The following GRIK2 variants were observed in gnomAD, a reference collection of about 807,000 sequenced individuals.
GRIK2 encodes glutamate receptor ionotropic, kainate 2.
In GRIK2, 32 loss-of-function variants were observed where a neutral mutation model predicts 100.3. The ratio of observed to expected loss-of-function variants is 0.32; its 90% CI spans 0.24 to 0.43. The LOEUF (loss-of-function observed/expected upper bound fraction) is 0.43. Ranked by LOEUF, GRIK2 falls within the 20% of genes least tolerant of loss-of-function variation. The probability of loss-of-function intolerance (pLI) is 1.00; values close to 1 mark genes in which losing one functional copy is unlikely to be tolerated. For missense variants in GRIK2, 843 were observed against 1,114.9 expected, an observed-to-expected ratio of 0.76 and a Z score of 3.47; for synonymous variants, 417 against 389.4, an observed-to-expected ratio of 1.07 and a Z score of -0.83.
chr6:101,887,050 G>T (rs548592593), intron 11 of GRIK2, among the ~76,000 whole-genome samples: 1 of 151,298 alleles, frequency 6.6e-6, no homozygotes, highest in East Asian at 1.9e-4. Context: ...GGATGGTCTC[G>T]ATCTCCTGAC....
Position 101,859,439 on chromosome 6 carries a change from C to T in GRIK2, c.1470C>T (p.Ala490=), listed in dbSNP as rs1162944600. 2.5e-6 allele frequency: 4 copies of T among 1,610,160 alleles called. No individual in the cohort carries two copies. The highest frequency in any genetic ancestry group is 3.4e-6 in the Non-Finnish European group (4 of 1,176,960). ...TTGTGGAAGATGGGAAATATGGAGC[C>T]CAGGATGATGCCAATGGACAATGGA... ...IRLVEDGKYG[A]QDDANGQWNG... Residue 490 remains alanine, a synonymous_variant, in exon 11 of 17, where the codon GCC becomes GCT. Transcript: ENST00000369134.
intron 7 of GRIK2, among the ~76,000 whole-genome samples, chr6:101,719,799 G>A (rs886105695): frequency 5.3e-5 from 8 of 151,962 alleles, no homozygotes; most frequent in Non-Finnish European, 1.0e-4. Flanking sequence ...GAAAACAGAT[G>A]ATTTCCCATT....
intron 4 of GRIK2, among the ~76,000 whole-genome samples, chr6:101,627,228 G>C (rs1056266613): frequency 2.6e-5 from 4 of 151,660 alleles, no homozygotes; most frequent in Non-Finnish European, 2.9e-5. Context: ...TGCAACCTCT[G>C]CCTCCCAGGT....
intron 7 of GRIK2, among the ~76,000 whole-genome samples, chr6:101,794,497 A>T (rs756823909): frequency 6.6e-6 from 1 of 151,760 alleles, no homozygotes; most frequent in Non-Finnish European, 1.5e-5. Flanking sequence ...TTTGTTTTGT[A>T]TATCGTTTGT....
chr6:101,483,771 T>C (rs907517052), intron 2 of GRIK2, among the ~76,000 whole-genome samples: 1 of 152,212 alleles, frequency 6.6e-6, no homozygotes, highest in Non-Finnish European at 1.5e-5. Context: ...GAGATGGGTT[T>C]CGCCATGTTG....
intron 7 of GRIK2, among the ~76,000 whole-genome samples, chr6:101,742,021 T>A (rs994076301): frequency 1.3e-5 from 2 of 152,246 alleles, no homozygotes; most frequent in Non-Finnish European, 2.9e-5. Flanking sequence ...TACCACACTG[T>A]TCTTAATATG....
intron 2 of GRIK2, among the ~76,000 whole-genome samples, chr6:101,468,662 T>C (rs1771787233): frequency 6.6e-6 from 1 of 152,194 alleles, no homozygotes; most frequent in Non-Finnish European, 1.5e-5. Flanking sequence ...ACGGGTACGA[T>C]ATAGGTCACA....
At chr6:101,785,692 C>T (rs182616860) in intron 7 of GRIK2, among the ~76,000 whole-genome samples, 5 of 152,076 alleles carry the variant, frequency 3.3e-5, no homozygotes, top group Admixed American at 3.3e-4. Flanking sequence ...GTTTTTATAC[C>T]AATACCATGC....
chr6:101,866,885 T>G (rs1582413286), intron 11 of GRIK2, among the ~76,000 whole-genome samples: 1 of 151,632 alleles, frequency 6.6e-6, no homozygotes, highest in East Asian at 1.9e-4. Flanking sequence ...GCTAAGACTT[T>G]ATCTCTTAAT....
intron 1 of GRIK2, among the ~76,000 whole-genome samples, chr6:101,395,139 G>T (rs973246186): frequency 1.3e-5 from 2 of 152,196 alleles, no homozygotes; most frequent in African/African-American, 4.8e-5. Flanking sequence ...TAAGAAGAGT[G>T]AGTTGCAAGT....
intron 11 of GRIK2, among the ~76,000 whole-genome samples, chr6:101,878,129 A>ATTATATTATATTATG (rs1220148815): frequency 1.5e-5 from 2 of 129,940 alleles, no homozygotes; most frequent in Non-Finnish European, 3.3e-5. Context: ...ATTATATTAT[A>ATTATATTATATTATG]TTAATGTACT....
chr6:101,625,921 G>A (rs1780414037), intron 3 of GRIK2, among the ~76,000 whole-genome samples: 1 of 152,092 alleles, frequency 6.6e-6, no homozygotes, highest in Non-Finnish European at 1.5e-5. Flanking sequence ...TCAGATAGGT[G>A]GAAATGTTCA....
intron 4 of GRIK2, among the ~76,000 whole-genome samples, chr6:101,642,325 G>A (rs1273244965): frequency 2.0e-5 from 3 of 151,658 alleles, no homozygotes; most frequent in East Asian, 1.9e-4. Context: ...TCACATTGTA[G>A]TGCAACCAAT....
chr6:101,810,085 ATG>A (rs34993769), intron 9 of GRIK2, among the ~76,000 whole-genome samples: 40,254 of 150,982 alleles, frequency 0.27, 7,130 homozygotes, highest in East Asian at 0.63. Context: ...ACATATATAT[ATG>A]TATAAATTAC....
At chr6:101,993,694 TTA>T (rs1473866754) in intron 14 of GRIK2, 5 of 150,316 alleles carry the variant, frequency 3.3e-5, no homozygotes, top group African/African-American at 1.2e-4. Flanking sequence ...ATGTACATAT[TTA>T]TCTATCTATG....
chr6:101,719,914 A>G (rs1774355865), intron 7 of GRIK2, among the ~76,000 whole-genome samples: 1 of 151,990 alleles, frequency 6.6e-6, no homozygotes, highest in Admixed American at 6.6e-5. Context: ...TTTAGGTCAT[A>G]CATTTTCTTT....
chr6:102,031,216 T>G (rs1276810330), intron 14 of GRIK2, among the ~76,000 whole-genome samples: 1 of 150,944 alleles, frequency 6.6e-6, no homozygotes, highest in Non-Finnish European at 1.5e-5. Flanking sequence ...TATGTGCTTC[T>G]AAATGGTCTT....
At chr6:102,016,453 A>G (rs1261783623) in intron 14 of GRIK2, among the ~76,000 whole-genome samples, 3 of 152,164 alleles carry the variant, frequency 2.0e-5, no homozygotes, top group African/African-American at 7.2e-5. Context: ...TTAAAAAAAG[A>G]ATGAACCATG....
intron 7 of GRIK2, among the ~76,000 whole-genome samples, chr6:101,748,339 ATTAT>A (rs1334417560): frequency 6.6e-6 from 1 of 152,160 alleles, no homozygotes; most frequent in Non-Finnish European, 1.5e-5. Flanking sequence ...TTAAATAAAA[ATTAT>A]TTAGTAGTGA....
Sources: gnomAD v4.1 joint callset for allele counts (sites outside exome capture counted in the v4.1 genomes callset) on GRCh38, gnomAD v4.1.1 for gene constraint, MANE v1.5 for transcripts, NCBI Gene and HGNC (gene_info 2026-07-23, HGNC 2026-07-21) for gene names.